Variants in NTM observed in about 807,000 individuals in gnomAD.
The protein encoded by NTM is neurotrimin.
NTM carries 13 observed loss-of-function variants against 42.1 expected under a neutral mutation model. The ratio of observed to expected loss-of-function variants is 0.31; its 90% confidence interval spans 0.20 to 0.49. NTM has a LOEUF of 0.49. NTM is among the 20% of genes least tolerant of loss of function. The pLI, the probability that NTM is intolerant of heterozygous loss-of-function variation, is 0.99. For missense variants in NTM, 373 were observed against 452.8 expected, an observed-to-expected ratio of 0.82 and a Z score of 1.60; for synonymous variants, 187 against 179.2, an observed-to-expected ratio of 1.04 and a Z score of -0.35.
chr11:132,334,571 T>C (rs1029639808), intron 8 of NTM, among the ~76,000 whole-genome samples: 2 of 152,176 alleles, frequency 1.3e-5, no homozygotes, highest in Non-Finnish European at 2.9e-5. Context: ...GGCAGACACA[T>C]TGTTTTGTCC....
intron 2 of NTM, among the ~76,000 whole-genome samples, chr11:131,928,857 C>T (rs1397572991): frequency 6.6e-6 from 1 of 152,254 alleles, no homozygotes; most frequent in Non-Finnish European, 1.5e-5. Flanking sequence ...CTCCCTGACT[C>T]TTTCTCAACC....
intron 1 of NTM, among the ~76,000 whole-genome samples, chr11:131,630,749 T>C (rs979686083): frequency 3.9e-5 from 6 of 152,206 alleles, no homozygotes; most frequent in African/African-American, 1.4e-4. Context: ...CACTGGGATC[T>C]CTTGGAGGTT....
intron 1 of NTM, among the ~76,000 whole-genome samples, chr11:131,472,639 C>G (rs1466942014): frequency 6.6e-6 from 1 of 152,130 alleles, no homozygotes; most frequent in Non-Finnish European, 1.5e-5. Flanking sequence ...TTCAGCACTA[C>G]TTTCTTCCTG....
At chr11:132,162,976 G>T (rs925021076) in intron 3 of NTM, among the ~76,000 whole-genome samples, 2 of 151,832 alleles carry the variant, frequency 1.3e-5, no homozygotes, top group African/African-American at 4.8e-5. Context: ...ACTCAAAGGG[G>T]CTGATGATTT....
At chr11:131,841,369 A>T (rs1188929363) in intron 1 of NTM, among the ~76,000 whole-genome samples, 2 of 152,144 alleles carry the variant, frequency 1.3e-5, no homozygotes, top group African/African-American at 4.8e-5. Flanking sequence ...ACATTTATTA[A>T]ATGTTCAGCA....
At chr11:131,561,170 A>C (rs1302654961) in intron 1 of NTM, among the ~76,000 whole-genome samples, 1 of 152,210 alleles carries the variant, frequency 6.6e-6, no homozygotes, top group Non-Finnish European at 1.5e-5. Context: ...GCTTCCATTC[A>C]CTGGGCCCCA....
At chr11:131,722,021 A>AAAAGAG (rs368857349) in intron 1 of NTM, among the ~76,000 whole-genome samples, 4,492 of 112,774 alleles carry the variant, frequency 0.04, 615 homozygotes, top group Non-Finnish European at 0.058. Flanking sequence ...AAAAAAAAAA[A>AAAAGAG]AGAGAGAAAG....
At chr11:131,732,518 G>C (rs2079825393) in intron 1 of NTM, among the ~76,000 whole-genome samples, 1 of 152,172 alleles carries the variant, frequency 6.6e-6, no homozygotes, top group Non-Finnish European at 1.5e-5. Flanking sequence ...CTCACTGTGA[G>C]ATTTCAGAAG....
intron 1 of NTM, among the ~76,000 whole-genome samples, chr11:131,381,792 T>C (rs1162057406): frequency 6.6e-6 from 1 of 152,196 alleles, no homozygotes; most frequent in Non-Finnish European, 1.5e-5. Flanking sequence ...TGGCTGCCTA[T>C]CAGAATCACC....
chr11:132,227,580 T>C (rs1225729044), intron 4 of NTM, among the ~76,000 whole-genome samples: 1 of 152,156 alleles, frequency 6.6e-6, no homozygotes, highest in Non-Finnish European at 1.5e-5. Context: ...CTCGGTGTTC[T>C]CTGTTGTTCC....
chr11:132,181,945 C>T (rs1439877059), intron 3 of NTM, among the ~76,000 whole-genome samples: 2 of 129,448 alleles, frequency 1.5e-5, no homozygotes, highest in Non-Finnish European at 3.5e-5. Context: ...AATGGAGTCA[C>T]ACTATCTAGT....
At chr11:131,377,836 T>G (rs892591325) in intron 1 of NTM, among the ~76,000 whole-genome samples, 1 of 152,164 alleles carries the variant, frequency 6.6e-6, no homozygotes, top group Admixed American at 6.5e-5. Flanking sequence ...CTATCTGCAT[T>G]TCCATCACGG....
At chr11:132,088,216 C>T (rs1029742341) in intron 2 of NTM, among the ~76,000 whole-genome samples, 3 of 152,138 alleles carry the variant, frequency 2.0e-5, no homozygotes, top group South Asian at 2.1e-4. Context: ...TGGATTGAGG[C>T]CAACATTCCC....
intron 2 of NTM, among the ~76,000 whole-genome samples, chr11:132,117,153 T>C (rs1247496814): frequency 6.6e-6 from 1 of 152,196 alleles, no homozygotes; most frequent in African/African-American, 2.4e-5. Context: ...AAAATGATTG[T>C]TTTTTTGTAT....
intron 4 of NTM, among the ~76,000 whole-genome samples, chr11:132,301,144 G>C (rs2094835369): frequency 6.6e-6 from 1 of 152,166 alleles, no homozygotes; most frequent in South Asian, 2.1e-4. Flanking sequence ...GGAGGCCTCA[G>C]GAACTTACAA....
intron 4 of NTM, among the ~76,000 whole-genome samples, chr11:132,246,611 C>G (rs1032771454): frequency 6.6e-6 from 1 of 152,150 alleles, no homozygotes; most frequent in African/African-American, 2.4e-5. Flanking sequence ...TTTTGTGTTT[C>G]TGAAACGCAC....
At chr11:131,555,997 G>C (rs79997267) in intron 1 of NTM, among the ~76,000 whole-genome samples, 7,616 of 152,230 alleles carry the variant, frequency 0.05, 213 homozygotes, top group Middle Eastern at 0.099. Flanking sequence ...ATCTCCAAGG[G>C]AACAGAGTCA....
intron 2 of NTM, among the ~76,000 whole-genome samples, chr11:131,918,805 G>A (rs577093971): frequency 4.6e-5 from 7 of 152,264 alleles, no homozygotes; most frequent in East Asian, 3.9e-4. Flanking sequence ...CATCCATGGC[G>A]TGGAGACACA....
chr11:131,962,348 A>G (rs1298515947), intron 2 of NTM, among the ~76,000 whole-genome samples: 3 of 152,236 alleles, frequency 2.0e-5, no homozygotes, highest in Non-Finnish European at 4.4e-5. Flanking sequence ...TGTCCTTCCA[A>G]AATTCACCTG....
Sources: gnomAD v4.1 joint callset for allele counts (sites outside exome capture counted in the v4.1 genomes callset) on GRCh38, gnomAD v4.1.1 for gene constraint, MANE v1.5 for transcripts, NCBI Gene and HGNC (gene_info 2026-07-23, HGNC 2026-07-21) for gene names.